FAF1: variants seen among roughly 807,000 people sequenced by gnomAD.
FAF1 encodes Fas associated factor 1.
FAF1 carries 25 observed loss-of-function variants against 92.5 expected under a neutral mutation model. The observed-to-expected ratio is 0.27, with a 90% CI of 0.20 to 0.38. The LOEUF (loss-of-function observed/expected upper bound fraction) is 0.38, where lower values mean the gene tolerates loss of function less well. Among genes scored for constraint, FAF1 ranks in the 10% least tolerant of loss-of-function variants. The pLI is 1.00. For synonymous variants in FAF1, 234 were observed against 273.2 expected (o/e 0.86, Z 1.42); for missense variants, 636 against 793.3 (o/e 0.80, Z 2.38).
intron 13 of FAF1, among the ~76,000 whole-genome samples, chr1:50,554,666 T>C (rs2149048589): frequency 6.6e-6 from 1 of 152,114 alleles, no homozygotes; most frequent in South Asian, 2.1e-4. Flanking sequence ...CTGGAAAGGG[T>C]AGCATGCTTA....
chr1:50,909,207 C>T (rs897037669), intron 1 of FAF1, among the ~76,000 whole-genome samples: 1 of 152,230 alleles, frequency 6.6e-6, no homozygotes, highest in African/African-American at 2.4e-5. Context: ...TTGGACCCCA[C>T]TCTCTTCTGG....
chr1:50,543,046 A>G (rs900100216), intron 13 of FAF1, among the ~76,000 whole-genome samples: 1 of 152,234 alleles, frequency 6.6e-6, no homozygotes, highest in Admixed American at 6.5e-5. Flanking sequence ...TATAAACAGA[A>G]TATCTGATGG....
intron 18 of FAF1, among the ~76,000 whole-genome samples, chr1:50,453,084 C>T (rs565056905): frequency 6.6e-5 from 10 of 152,320 alleles, no homozygotes; most frequent in African/African-American, 1.7e-4. Context: ...AGTTTGTACA[C>T]GGTAGTGTTT....
intron 18 of FAF1, among the ~76,000 whole-genome samples, chr1:50,464,578 T>C (rs1056332586): frequency 2.6e-5 from 4 of 152,362 alleles, no homozygotes; most frequent in Non-Finnish European, 5.9e-5. Context: ...CACTGTCATA[T>C]TAAGAATGAA....
chr1:50,799,093 T>A (rs1041269068), intron 3 of FAF1, among the ~76,000 whole-genome samples: 2 of 152,188 alleles, frequency 1.3e-5, no homozygotes, highest in Non-Finnish European at 2.9e-5. Context: ...ATTATAGGCG[T>A]GAGCTACCAC....
chr1:50,575,214 C>T (rs1032718113), intron 12 of FAF1, among the ~76,000 whole-genome samples: 6 of 152,044 alleles, frequency 3.9e-5, no homozygotes, highest in African/African-American at 1.4e-4. Flanking sequence ...AGCCAAATGG[C>T]AGTGTATGTC....
intron 2 of FAF1, among the ~76,000 whole-genome samples, chr1:50,857,624 C>T (rs1644400035): frequency 6.6e-6 from 1 of 151,756 alleles, no homozygotes; most frequent in Admixed American, 6.6e-5. Context: ...TTCAGACAGA[C>T]AACTCTGACT....
chr1:50,776,927 T>C (rs2124555142), intron 4 of FAF1, among the ~76,000 whole-genome samples: 1 of 152,116 alleles, frequency 6.6e-6, no homozygotes, highest in Middle Eastern at 3.4e-3. Flanking sequence ...ACATTACTTT[T>C]AAAACGTCAA....
intron 1 of FAF1, among the ~76,000 whole-genome samples, chr1:50,903,502 A>T (rs1427969097): frequency 6.6e-6 from 1 of 152,178 alleles, no homozygotes; most frequent in Non-Finnish European, 1.5e-5. Context: ...GAATTAAATG[A>T]TGTATCTTTA....
At chr1:50,452,143 A>C in intron 18 of FAF1, 1 of 1,350,198 alleles carries the variant, frequency 7.4e-7, no homozygotes. Context: ...TAAAATGAAT[A>C]TACAAAGAAC....
chr1:50,849,798 A>G (rs1557557997), intron 2 of FAF1, among the ~76,000 whole-genome samples: 1 of 151,274 alleles, frequency 6.6e-6, no homozygotes, highest in Admixed American at 6.6e-5. Flanking sequence ...AGCTACTTAA[A>G]TATCTTCAAA....
chr1:50,879,679 C>G (rs1644596638), intron 1 of FAF1, among the ~76,000 whole-genome samples: 1 of 152,126 alleles, frequency 6.6e-6, no homozygotes, highest in Non-Finnish European at 1.5e-5. Flanking sequence ...ATTTGTGGTT[C>G]TCAAAGTGTT....
At chr1:50,941,113 C>T (rs967193673) in intron 1 of FAF1, among the ~76,000 whole-genome samples, 1 of 151,766 alleles carries the variant, frequency 6.6e-6, no homozygotes, top group Non-Finnish European at 1.5e-5. Flanking sequence ...CTCGCTGCAA[C>T]CTCCATCTCC....
intron 2 of FAF1, among the ~76,000 whole-genome samples, chr1:50,821,344 T>A (rs939878394): frequency 9.2e-5 from 14 of 152,232 alleles, no homozygotes; most frequent in African/African-American, 3.1e-4. Context: ...CATATTTTTT[T>A]ACAGGCTCCT....
chr1:50,581,476 T>C (rs1650983982), intron 12 of FAF1, among the ~76,000 whole-genome samples: 1 of 152,202 alleles, frequency 6.6e-6, no homozygotes, highest in Non-Finnish European at 1.5e-5. Flanking sequence ...TTCTTCCCTT[T>C]CTTTATTCCT....
chr1:50,590,837 C>A (rs1247322314), intron 9 of FAF1, among the ~76,000 whole-genome samples: 1 of 152,048 alleles, frequency 6.6e-6, no homozygotes, highest in Non-Finnish European at 1.5e-5. Flanking sequence ...CAAAAATTAG[C>A]CAGGTGTGGT....
intron 7 of FAF1, among the ~76,000 whole-genome samples, chr1:50,696,549 T>G (rs894708259): frequency 6.6e-6 from 1 of 152,190 alleles, no homozygotes; most frequent in Non-Finnish European, 1.5e-5. Flanking sequence ...ATAATCATAA[T>G]CAATGTGTGG....
At chr1:50,443,913 C>A (rs955337850) in intron 18 of FAF1, among the ~76,000 whole-genome samples, 2 of 152,148 alleles carry the variant, frequency 1.3e-5, no homozygotes, top group African/African-American at 4.8e-5. Context: ...AGTGCCCCCC[C>A]TTTCCTGATC....
intron 1 of FAF1, among the ~76,000 whole-genome samples, chr1:50,876,584 T>G (rs1176334360): frequency 1.3e-5 from 2 of 152,134 alleles, no homozygotes; most frequent in Non-Finnish European, 2.9e-5. Flanking sequence ...AACATTTGTT[T>G]TTTTGTTTTG....
Sources: allele counts gnomAD v4.1 joint callset (sites outside exome capture counted in the v4.1 genomes callset), GRCh38; gene constraint gnomAD v4.1.1; transcripts MANE v1.5; gene names NCBI Gene and HGNC (gene_info 2026-07-23, HGNC 2026-07-21).